PTPRN2: variants seen among roughly 807,000 people sequenced by gnomAD.
PTPRN2 encodes receptor-type tyrosine-protein phosphatase N2.
A neutral mutation model predicts 118.8 loss-of-function variants in PTPRN2; 74 were observed. That is an observed-to-expected ratio of 0.62 (90% CI 0.52 to 0.76). The LOEUF is 0.76. Ranked by LOEUF, PTPRN2 falls within the 30% of genes least tolerant of loss-of-function variation. The pLI is 0.00. For missense variants in PTPRN2, 1,481 were observed against 1,394.4 expected, an observed-to-expected ratio of 1.06 and a Z score of -0.99; for synonymous variants, 641 against 608.0, an observed-to-expected ratio of 1.05 and a Z score of -0.80.
At chr7:158,395,292 G>C (rs1487107186) in intron 2 of PTPRN2, among the ~76,000 whole-genome samples, 4 of 116,036 alleles carry the variant, frequency 3.4e-5, no homozygotes, top group Admixed American at 8.6e-5. Flanking sequence ...AGTGAGGGGT[G>C]AGGGGTGAGG....
rs201623741 is a variant in PTPRN2, at chr7:157,576,738, C to G, written c.2658G>C (p.Leu886=). Residue 886 remains leucine, a synonymous_variant, in exon 19 of 23, where the codon CTG becomes CTC. Coordinates refer to ENST00000389418, the MANE Select transcript of PTPRN2 (RefSeq NM_002847.5). ...VSEHIWCEDF[L]VRSFYLKNLQ... is the part of the protein sequence containing the mutation. ...GGTTCTTCAGATAGAAGCTCCTCACCAGGAAGTCCTCACACCAGATGTGCT... is the reference window on the plus strand; with the variant it reads ...GGTTCTTCAGATAGAAGCTCCTCACGAGGAAGTCCTCACACCAGATGTGCT... 160 of 1,608,962 alleles carry G rather than the reference C, an allele frequency of 9.9e-5. No individual in the cohort carries two copies. The highest frequency in any genetic ancestry group is 1.3e-4 in the Non-Finnish European group (155 of 1,177,552).
At chr7:157,985,799 C>T (rs1803738962) in intron 11 of PTPRN2, among the ~76,000 whole-genome samples, 1 of 152,216 alleles carries the variant, frequency 6.6e-6, no homozygotes, top group Non-Finnish European at 1.5e-5. Flanking sequence ...ATCCGGAGAG[C>T]AGGGAGACCA....
At chr7:158,379,702 C>T (rs1034015529) in intron 2 of PTPRN2, among the ~76,000 whole-genome samples, 1 of 152,148 alleles carries the variant, frequency 6.6e-6, no homozygotes, top group African/African-American at 2.4e-5. Flanking sequence ...TCCAAGAAGG[C>T]CAAAGTCAGT....
chr7:158,145,687 C>A (rs1342924377), intron 6 of PTPRN2, among the ~76,000 whole-genome samples: 1 of 152,234 alleles, frequency 6.6e-6, no homozygotes, highest in Non-Finnish European at 1.5e-5. Context: ...GCTGCCTGCA[C>A]ACTTTCTCAG....
intron 11 of PTPRN2, among the ~76,000 whole-genome samples, chr7:157,951,928 C>T (rs1800838248): frequency 6.6e-6 from 1 of 152,178 alleles, no homozygotes; most frequent in South Asian, 2.1e-4. Context: ...CGCCCACTCA[C>T]TCCTGCTGCA....
intron 2 of PTPRN2, among the ~76,000 whole-genome samples, chr7:158,341,097 T>C (rs1478948962): frequency 3.2e-5 from 1 of 30,988 alleles, no homozygotes; most frequent in Non-Finnish European, 7.5e-5. Flanking sequence ...TGGTGACACC[T>C]GCAGACGTCA....
intron 10 of PTPRN2, among the ~76,000 whole-genome samples, chr7:158,102,974 G>A (rs1156889244): frequency 1.3e-5 from 2 of 152,162 alleles, no homozygotes; most frequent in East Asian, 3.8e-4. Context: ...GAGCCTGACG[G>A]GACAGGAGCT....
intron 6 of PTPRN2, among the ~76,000 whole-genome samples, chr7:158,155,454 T>TCATCACCATCATCATCAC (rs1330660994): frequency 6.6e-6 from 1 of 151,294 alleles, no homozygotes; most frequent in Non-Finnish European, 1.5e-5. Flanking sequence ...ACCAACACCA[T>TCATCACCATCATCATCAC]CATCACCATC....
rs571132007 is a variant in PTPRN2 at position 158,585,602 on chromosome 7, A to G, written c.112+1956T>C. On this transcript the variant is annotated intron_variant, in intron 1 of 22. Coordinates refer to ENST00000389418, the MANE Select transcript of PTPRN2 (RefSeq NM_002847.5). ...AAATAACACTGCTGCATTGGGCATT[A>G]TCATTCAGTTTAGCAGCTTTCCTCT... Among the ~76,000 whole-genome samples the G allele has an allele frequency of 3.9e-5, 6 of 152,336 alleles. No individual in the cohort carries two copies. In the South Asian group the frequency reaches 1.2e-3, roughly 32 times the overall value.
In PTPRN2 at chr7:158,574,245, A is replaced by G. The variant is rs1828205978; in HGVS notation, c.112+13313T>C. ...CAGATTAGACACTTAAAAACTAAGT[A>G]TCTAAAATGTTATTAATCACATTAA... On this transcript the variant is annotated intron_variant, in intron 1 of 22. Coordinates refer to ENST00000389418, the MANE Select transcript of PTPRN2 (RefSeq NM_002847.5). The surrounding 1 kb of genome is among the most constrained non-coding windows in gnomAD (Gnocchi z 4.6). Among the ~76,000 whole-genome samples, 1 of 152,242 alleles carries G rather than the reference A, an allele frequency of 6.6e-6. No homozygotes were observed. Among genetic ancestry groups the G allele is most frequent in the South Asian group, 2.1e-4 (1 of 4,832 alleles).
intron 21 of PTPRN2, among the ~76,000 whole-genome samples, chr7:157,563,494 C>A (rs1799320208): frequency 1.6e-5 from 2 of 122,008 alleles, no homozygotes; most frequent in African/African-American, 6.6e-5. Context: ...CACAGCAGAT[C>A]AGGACCACGT....
chr7:157,541,013 T>C (rs1440683412), intron 22 of PTPRN2, among the ~76,000 whole-genome samples: 1 of 152,138 alleles, frequency 6.6e-6, no homozygotes, highest in East Asian at 1.9e-4. Context: ...CAGTGACACA[T>C]GTTTGAGCTT....
At chr7:158,431,269 G>A (rs139778337) in intron 2 of PTPRN2, among the ~76,000 whole-genome samples, 12 of 149,034 alleles carry the variant, frequency 8.1e-5, no homozygotes, top group South Asian at 4.3e-4. Context: ...GGCTCACTCC[G>A]GGCTCAACAC....
chr7:158,500,978 G>A (rs955227942), intron 1 of PTPRN2, among the ~76,000 whole-genome samples: 5 of 152,274 alleles, frequency 3.3e-5, no homozygotes, highest in Admixed American at 3.3e-4. Context: ...CAGGCTCCGG[G>A]CCACGTCCGC....
intron 2 of PTPRN2, among the ~76,000 whole-genome samples, chr7:158,487,217 A>C (rs1413486545): frequency 1.3e-5 from 2 of 152,214 alleles, no homozygotes; most frequent in Non-Finnish European, 2.9e-5. Flanking sequence ...GCTGTTGTGC[A>C]TTAACTGCTA....
At chr7:158,285,748 T>C (rs981154805) in intron 3 of PTPRN2, among the ~76,000 whole-genome samples, 1 of 152,126 alleles carries the variant, frequency 6.6e-6, no homozygotes, top group African/African-American at 2.4e-5. Context: ...GGGCTGTCTA[T>C]GTCAGCTACA....
At position 157,732,223 on chromosome 7, in the gene PTPRN2, C is replaced by T. The variant is rs112109347; in HGVS notation, c.1789-49286G>A. Among the ~76,000 whole-genome samples, 123 of 50,206 alleles carry T rather than the reference C, an allele frequency of 2.4e-3. 2 individuals are homozygous for T. The highest frequency in any genetic ancestry group is 4.6e-3 in the South Asian group (5 of 1,096). The allele number at this position is 50,206 out of a possible 152,430, so 32.9% of individuals were successfully genotyped here. A position where few individuals can be genotyped will look rare whatever the true frequency, so the allele number is the denominator to read the frequency against. On this transcript the variant is annotated intron_variant, in intron 12 of 22. Coordinates refer to ENST00000389418, the MANE Select transcript of PTPRN2 (RefSeq NM_002847.5). Reference sequence around the variant, plus strand: ...CACGCGCCCAGCACAGTTACTCTTTCCCGTCCCACGCGCCCAGCACAGTTA... The same window carrying T: ...CACGCGCCCAGCACAGTTACTCTTTTCCGTCCCACGCGCCCAGCACAGTTA...
At chr7:158,257,288 G>A (rs549281111) in intron 3 of PTPRN2, among the ~76,000 whole-genome samples, 10 of 151,958 alleles carry the variant, frequency 6.6e-5, no homozygotes, top group South Asian at 2.1e-4. Flanking sequence ...AACCTGTGGC[G>A]TGTTTCTGGG....
chr7:157,616,082 G>A (rs969075650), intron 15 of PTPRN2: 2 of 174,954 alleles, frequency 1.1e-5, no homozygotes, highest in African/African-American at 4.8e-5. Context: ...CCACCCCGAA[G>A]GCCAGGCTCG....
Sources: gnomAD v4.1 joint callset for allele counts (sites outside exome capture counted in the v4.1 genomes callset) on GRCh38, gnomAD v4.1.1 for gene constraint, Gnocchi (gnomAD v3.1) non-coding constraint, MANE v1.5 for transcripts, NCBI Gene and HGNC (gene_info 2026-07-23, HGNC 2026-07-21) for gene names.